XYLT1: variants seen among roughly 807,000 people sequenced by gnomAD.
The protein encoded by XYLT1 is xylosyltransferase 1.
In XYLT1, 36 loss-of-function variants were observed where a neutral mutation model predicts 91.3. The ratio of observed to expected loss-of-function variants is 0.39; its 90% CI spans 0.30 to 0.52. The LOEUF is 0.52. Ranked by LOEUF, XYLT1 falls within the 20% of genes least tolerant of loss-of-function variation. The probability of loss-of-function intolerance (pLI) is 0.68; values close to 1 mark genes in which losing one functional copy is unlikely to be tolerated. For missense variants in XYLT1, 1,242 were observed against 1,284.5 expected (o/e 0.97, Z 0.51); for synonymous variants, 588 against 532.0 (o/e 1.11, Z -1.45).
chr16:17,210,892 T>C (rs552010335), intron 3 of XYLT1, among the ~76,000 whole-genome samples: 3 of 152,266 alleles, frequency 2.0e-5, no homozygotes, highest in Admixed American at 1.3e-4. Context: ...CCTACTGAAC[T>C]TCCTTTTCCA....
intron 5 of XYLT1, among the ~76,000 whole-genome samples, chr16:17,186,291 C>T (rs992558496): frequency 1.3e-5 from 2 of 151,770 alleles, no homozygotes; most frequent in Non-Finnish European, 1.5e-5. Flanking sequence ...TTAGTAAAGA[C>T]GGGGTTTCAC....
chr16:17,290,409 C>T (rs754183950), intron 2 of XYLT1, among the ~76,000 whole-genome samples: 34 of 152,362 alleles, frequency 2.2e-4, no homozygotes, highest in Non-Finnish European at 4.1e-4. Context: ...GTCCCGGGAC[C>T]TGGCATGGAT....
intron 1 of XYLT1, among the ~76,000 whole-genome samples, chr16:17,379,580 G>T (rs992163679): frequency 6.6e-6 from 1 of 152,152 alleles, no homozygotes. Context: ...GGCATGTTGT[G>T]GGGGTAGCTG....
rs547234090 is a variant in XYLT1, at chr16:17,121,348, C to T, written c.2224-3369G>A. Among the ~76,000 whole-genome samples, 5 of 152,222 alleles carry T rather than the reference C, an allele frequency of 3.3e-5. No homozygotes were observed. In the East Asian group the frequency reaches 7.7e-4, roughly 24 times the overall value. ...TGGATCTTGTTTTTCAACCGAGGAG[C>T]GTGAAGGGTGAGGTGTGGGGCAGCC... On this transcript the variant is annotated intron_variant, in intron 10 of 11. Transcript: ENST00000261381.
At chr16:17,464,939 G>A (rs2036869582) in intron 1 of XYLT1, among the ~76,000 whole-genome samples, 2 of 151,896 alleles carry the variant, frequency 1.3e-5, no homozygotes, top group African/African-American at 2.4e-5. Context: ...GAGGCCAGGA[G>A]TTCGAGAGCA....
chr16:17,453,591 G>A (rs1338599160), intron 1 of XYLT1, among the ~76,000 whole-genome samples: 4 of 152,298 alleles, frequency 2.6e-5, no homozygotes, highest in Admixed American at 2.0e-4. Flanking sequence ...GGAAGTCTCC[G>A]TGCTCCGATG....
At chr16:17,292,081 TACAC>T (rs10568382) in intron 2 of XYLT1, among the ~76,000 whole-genome samples, 31 of 149,022 alleles carry the variant, frequency 2.1e-4, no homozygotes, top group South Asian at 6.4e-4. Context: ...CACTAAACCA[TACAC>T]ACACACACAC....
At chr16:17,465,565 G>GC (rs2036885265) in intron 1 of XYLT1, among the ~76,000 whole-genome samples, 1 of 145,750 alleles carries the variant, frequency 6.9e-6, no homozygotes, top group Non-Finnish European at 1.5e-5. Flanking sequence ...TTGGGGGGGG[G>GC]GGGGGTGAGC....
At chr16:17,332,567 TACACACACACACACACACACAC>T (rs60919228) in intron 2 of XYLT1, among the ~76,000 whole-genome samples, 1 of 137,902 alleles carries the variant, frequency 7.3e-6, no homozygotes, top group African/African-American at 2.7e-5. Context: ...ATCACACACA[TACACACACACACACACACACAC>T]ACACACACAC....
In XYLT1 at chr16:17,104,610, C is replaced by A. The variant is rs564903479; in HGVS notation, c.*4085G>T. 1 of 152,142 alleles carries A rather than the reference C, an allele frequency of 6.6e-6. No homozygotes were observed. Among genetic ancestry groups the A allele is most frequent in the Non-Finnish European group, 1.5e-5 (1 of 68,028 alleles). 9.4% of individuals were successfully genotyped at this position (152,142 alleles called of 1,614,324 possible). A position where few individuals can be genotyped will look rare whatever the true frequency, so the allele number is the denominator to read the frequency against. Reference sequence around the variant, plus strand: ...GGTTGCTGGCAGTGTACACGTGGAACAGTGGAATTTTTCTTTGCCCACTAT... The same window carrying A: ...GGTTGCTGGCAGTGTACACGTGGAAAAGTGGAATTTTTCTTTGCCCACTAT... On this transcript the variant is annotated 3_prime_UTR_variant, in exon 12 of 12. Coordinates refer to ENST00000261381, the MANE Select transcript of XYLT1 (RefSeq NM_022166.4).
At chr16:17,303,772 G>A (rs576180284) in intron 2 of XYLT1, among the ~76,000 whole-genome samples, 1 of 152,256 alleles carries the variant, frequency 6.6e-6, no homozygotes, top group South Asian at 2.1e-4. Context: ...TGATCAATGG[G>A]ACCTCAATCT....
intron 10 of XYLT1, among the ~76,000 whole-genome samples, chr16:17,122,143 T>C (rs920143494): frequency 5.3e-5 from 8 of 152,224 alleles, no homozygotes; most frequent in Admixed American, 3.3e-4. Flanking sequence ...CTGGATCAAA[T>C]GGTAGAACTA....
Position 17,316,451 on chromosome 16 carries a change from C to T in XYLT1, c.402+41561G>A, listed in dbSNP as rs539022343. On this transcript the variant is annotated intron_variant, in intron 2 of 11. Transcript: ENST00000261381. The stretch of plus-strand genomic sequence containing the variant: ...TCTCTCTGTCGCCCCGGCTGGAGTG[C>T]TGTGGTGTGATCTCTGCTCACTGCA... Among the ~76,000 whole-genome samples, 30 of 152,206 alleles carry T rather than the reference C, an allele frequency of 2.0e-4. No homozygotes were observed. In the South Asian group the frequency reaches 6.0e-3, roughly 30 times the overall value.
chr16:17,460,237 G>C (rs571417038), intron 1 of XYLT1, among the ~76,000 whole-genome samples: 1 of 152,152 alleles, frequency 6.6e-6, no homozygotes, highest in Non-Finnish European at 1.5e-5. Flanking sequence ...GTTATTGGGG[G>C]ACAAGGTCAC....
chr16:17,289,935 T>C (rs1266390999), intron 2 of XYLT1, among the ~76,000 whole-genome samples: 2 of 152,220 alleles, frequency 1.3e-5, no homozygotes, highest in Non-Finnish European at 2.9e-5. Flanking sequence ...AACAAAAATT[T>C]GGCTTGAAGC....
intron 1 of XYLT1, among the ~76,000 whole-genome samples, chr16:17,370,820 C>A (rs2035522833): frequency 6.6e-6 from 1 of 152,324 alleles, no homozygotes; most frequent in Admixed American, 6.5e-5. Context: ...GAAGACCTAG[C>A]TACACAAATC....
intron 5 of XYLT1, among the ~76,000 whole-genome samples, chr16:17,162,174 G>A (rs546702703): frequency 1.3e-5 from 2 of 152,146 alleles, no homozygotes; most frequent in East Asian, 1.9e-4. Flanking sequence ...TGGGGAGGCC[G>A]AGGCAGGTGG....
chr16:17,252,180 T>G (rs1016261411), intron 3 of XYLT1, among the ~76,000 whole-genome samples: 1 of 152,116 alleles, frequency 6.6e-6, no homozygotes, highest in Non-Finnish European at 1.5e-5. Context: ...CCACTTAACT[T>G]CCCCAGTGCA....
rs77167955 is a variant in XYLT1 at position 17,157,993 on chromosome 16, C to T, written c.1370+836G>A. Among the ~76,000 whole-genome samples, 793 of 151,672 alleles carry T rather than the reference C, an allele frequency of 5.2e-3. 35 individuals are homozygous for T. In the East Asian group the frequency reaches 0.079, roughly 15 times the overall value. ...CAAACTCCTGACCTCATGATCTGCC[C>T]GCCTCGGCCTCCCAAAGTGCTGGGA... is the stretch of plus-strand genomic sequence containing the variant. On this transcript the variant is annotated intron_variant, in intron 6 of 11. Transcript: ENST00000261381.
Sources: allele counts gnomAD v4.1 joint callset (sites outside exome capture counted in the v4.1 genomes callset), GRCh38; gene constraint gnomAD v4.1.1; transcripts MANE v1.5; gene names NCBI Gene and HGNC (gene_info 2026-07-23, HGNC 2026-07-21).